Variants in ABCC6 observed in about 807,000 individuals in gnomAD.
ABCC6 encodes ATP binding cassette subfamily C member 6.
Under a neutral mutation model 169.5 loss-of-function variants are expected in ABCC6, and 126 were observed. That is an observed-to-expected ratio of 0.74 (90% CI 0.64 to 0.86). The LOEUF (loss-of-function observed/expected upper bound fraction) is 0.86, where lower values mean the gene tolerates loss of function less well. ABCC6 is among the 40% of genes least tolerant of loss of function. The pLI, the probability that ABCC6 is intolerant of heterozygous loss-of-function variation, is 0.00. For missense variants in ABCC6, 1,733 were observed against 1,927.2 expected, an observed-to-expected ratio of 0.90 and a Z score of 1.89; for synonymous variants, 752 against 814.7, an observed-to-expected ratio of 0.92 and a Z score of 1.31.
In ABCC6 at chr16:16,150,228, C is replaced by G. The variant is rs1434006743; in HGVS notation, c.4417G>C (p.Asp1473His). ...CCGCTCTCTGCCACCTGCCCCTTGTCCATGACCAGAACCCTGTGGGGGAGA... is the reference window on the plus strand; with the variant it reads ...CCGCTCTCTGCCACCTGCCCCTTGTGCATGACCAGAACCCTGTGGGGGAGA... ...VMDCARVLVM[D>H]KGQVAESGSP... The change falls in exon 31 of 31, where the codon GAC becomes CAC. Residue 1473 changes from aspartate to histidine, a missense_variant. This residue lies in a region of ABCC6 where 1,601 missense variants were observed against 1,635.5 expected (regional missense o/e 0.98). Coordinates refer to ENST00000205557, the MANE Select transcript of ABCC6 (RefSeq NM_001171.6). 1.2e-6 allele frequency: 2 copies of G among 1,613,936 alleles called. No individual in the cohort carries two copies. Among genetic ancestry groups the G allele is most frequent in the Non-Finnish European group, 1.7e-6 (2 of 1,180,038 alleles).
intron 7 of ABCC6, among the ~76,000 whole-genome samples, chr16:16,204,866 G>A (rs1262962593): frequency 7.1e-6 from 1 of 140,738 alleles, no homozygotes; most frequent in Non-Finnish European, 1.5e-5. Context: ...ACAGAGTTTC[G>A]CTCTTGTCGC....
chr16:16,182,050 C>A (rs1031500108), intron 17 of ABCC6: 3 of 385,904 alleles, frequency 7.8e-6, no homozygotes, highest in African/African-American at 6.2e-5. Context: ...TCTTGGACAT[C>A]TCTGTCCAGA....
At position 16,182,713 on chromosome 16, in the gene ABCC6, C is replaced by G. The variant is rs2047517094; in HGVS notation, c.2070+91G>C. ...GGTGGAGAGAATGAGTGAAAGTGAA[C>G]TTGGCTGGGATGGGGAGGGTGGGAA... On this transcript the variant is annotated intron_variant, in intron 16 of 30. Transcript: ENST00000205557. 9.9e-6 allele frequency: 15 copies of G among 1,521,602 alleles called. No homozygotes were observed. The South Asian group carries it at 1.7e-4, about 17-fold the overall frequency. The allele number at this position is 1,521,602 out of a possible 1,614,324, so 94.3% of individuals were successfully genotyped here.
chr16:16,167,560 C>G (rs533651000), intron 22 of ABCC6, among the ~76,000 whole-genome samples: 183 of 152,314 alleles, frequency 1.2e-3, no homozygotes, highest in African/African-American at 4.2e-3. Flanking sequence ...AACCCCACCT[C>G]CCAGGTTCAA....
At chr16:16,221,616 G>T in intron 2 of ABCC6, 33 bp downstream of exon 2, 1 of 1,612,218 alleles carries the variant, frequency 6.2e-7, no homozygotes, top group Non-Finnish European at 8.5e-7. Flanking sequence ...CCCGAACATT[G>T]CCTGGTTCCA....
intron 7 of ABCC6, among the ~76,000 whole-genome samples, chr16:16,205,864 T>A (rs555734899): frequency 6.6e-6 from 1 of 151,948 alleles, no homozygotes; most frequent in Non-Finnish European, 1.5e-5. Flanking sequence ...ACAGATTGAG[T>A]GATGTGTGCA....
In ABCC6 at chr16:16,182,642, A is replaced by C. The variant is rs2047515735; in HGVS notation, c.2071-54T>G. ...AGGATGATGGGGACAGAGGTGGGATAGGTTTTGAGGAGCAGTGGGAGCTGG... is the reference window on the plus strand; with the variant it reads ...AGGATGATGGGGACAGAGGTGGGATCGGTTTTGAGGAGCAGTGGGAGCTGG... On this transcript the variant is annotated intron_variant, in intron 16 of 30. Coordinates refer to ENST00000205557, the MANE Select transcript of ABCC6 (RefSeq NM_001171.6). 3.2e-6 allele frequency: 5 copies of C among 1,552,922 alleles called. No homozygotes were observed. In the Admixed American group the frequency reaches 8.7e-5, roughly 27 times the overall value.
At chr16:16,161,638 TG>T in intron 24 of ABCC6, 74 bp from the exon 25 acceptor site, 1 of 1,596,514 alleles carries the variant, frequency 6.3e-7, no homozygotes, top group Non-Finnish European at 8.6e-7. Flanking sequence ...GCACAAGGAC[TG>T]GTCATCACAC....
chr16:16,184,094 G>T, intron 15 of ABCC6: 2 of 173,750 alleles, frequency 1.2e-5, no homozygotes, highest in South Asian at 1.8e-4. Context: ...AGCTACTCGG[G>T]AGGCTGAGGC....
chr16:16,188,792 A>C (rs1450149661), intron 13 of ABCC6, 39 bp downstream of exon 13: 3 of 1,601,344 alleles, frequency 1.9e-6, no homozygotes, highest in South Asian at 1.1e-5. Flanking sequence ...TAGCCCACGC[A>C]CTCTCCCAGG....
intron 14 of ABCC6, 83 bp from the exon 15 acceptor site, chr16:16,185,117 CG>C (rs1293029430): frequency 1.2e-5 from 15 of 1,300,798 alleles, no homozygotes; most frequent in East Asian, 4.7e-5. Flanking sequence ...CACCATCCCC[CG>C]CCCCCCCCAG....
At chr16:16,217,724 G>C (rs1263465741) in intron 4 of ABCC6, among the ~76,000 whole-genome samples, 1 of 152,082 alleles carries the variant, frequency 6.6e-6, no homozygotes, top group African/African-American at 2.4e-5. Context: ...TCAACTGTGG[G>C]AGCCCACCAT....
At chr16:16,155,238 C>T in intron 27 of ABCC6, 1 of 633,206 alleles carries the variant, frequency 1.6e-6, no homozygotes, top group Admixed American at 3.0e-5. Context: ...CTCTATCTTT[C>T]CCTTATCCTG....
At chr16:16,150,534 C>T (rs761940005) in intron 30 of ABCC6, 44 bp downstream of exon 30, 7 of 1,592,728 alleles carry the variant, frequency 4.4e-6, no homozygotes, top group Non-Finnish European at 5.1e-6. Flanking sequence ...CTTCCCCCAC[C>T]ACTGCAGGGC....
intron 14 of ABCC6, 92 bp from the exon 15 acceptor site, chr16:16,185,126 C>A (rs377446088): frequency 4.7e-6 from 5 of 1,063,936 alleles, no homozygotes; most frequent in Non-Finnish European, 5.7e-6. Context: ...CCGCCCCCCC[C>A]AGGGGCAGAG....
chr16:16,152,137 G>A (rs973308591), intron 29 of ABCC6, among the ~76,000 whole-genome samples: 3 of 136,750 alleles, frequency 2.2e-5, no homozygotes, highest in Non-Finnish European at 4.5e-5. Flanking sequence ...GCTTGCAAGT[G>A]AGCCAAGATC....
rs559504956 is a variant in ABCC6, at chr16:16,163,187, C to G, written c.3312G>C (p.Leu1104=). 3.1e-6 allele frequency: 5 copies of G among 1,613,254 alleles called. No homozygotes were observed. The highest frequency in any genetic ancestry group is 1.1e-5 in the South Asian group (1 of 91,076). ...LFLLYAGFQS[L]YVVSSCQLRR... Reference sequence around the variant, plus strand: ...TCAGCTGGCATGAGCTAACCACATACAGGCTCTGAGAAGGATGGATGGGAG... The same window carrying G: ...TCAGCTGGCATGAGCTAACCACATAGAGGCTCTGAGAAGGATGGATGGGAG... The change falls in exon 24 of 31, where the codon CTG becomes CTC. Residue 1104 remains leucine, a synonymous_variant. Coordinates refer to ENST00000205557, the MANE Select transcript of ABCC6 (RefSeq NM_001171.6).
At chr16:16,152,417 G>A (rs1171647650) in intron 29 of ABCC6, among the ~76,000 whole-genome samples, 1 of 151,808 alleles carries the variant, frequency 6.6e-6, no homozygotes, top group Non-Finnish European at 1.5e-5. Context: ...ACCTACTATG[G>A]TCATGCAGGC....
chr16:16,174,445 G>A (rs542065573), intron 20 of ABCC6, among the ~76,000 whole-genome samples: 9 of 152,102 alleles, frequency 5.9e-5, no homozygotes, highest in Non-Finnish European at 8.8e-5. Flanking sequence ...CCCGATGTGC[G>A]GATCATTCTT....
Sources: gnomAD v4.1 joint callset for allele counts (sites outside exome capture counted in the v4.1 genomes callset) on GRCh38, gnomAD v4.1.1 for gene constraint, gnomAD v4.1.1 regional missense constraint, MANE v1.5 for transcripts, NCBI Gene and HGNC (gene_info 2026-07-23, HGNC 2026-07-21) for gene names.